CHFR: variants seen among roughly 807,000 people sequenced by gnomAD.
CHFR encodes the protein checkpoint with forkhead and ring finger domains, also known as E3 ubiquitin-protein ligase CHFR.
Under a neutral mutation model 87.6 loss-of-function variants are expected in CHFR, and 57 were observed. That is an observed-to-expected ratio of 0.65 (90% confidence interval 0.53 to 0.81). CHFR has a LOEUF of 0.81. Among genes scored for constraint, CHFR ranks in the 30% least tolerant of loss-of-function variants. The probability of loss-of-function intolerance (pLI) is 0.00; values close to 1 mark genes in which losing one functional copy is unlikely to be tolerated. For missense variants in CHFR, 797 were observed against 865.8 expected, an observed-to-expected ratio of 0.92 and a Z score of 1.00; for synonymous variants, 381 against 359.2, an observed-to-expected ratio of 1.06 and a Z score of -0.69.
chr12:132,858,725 T>TAAAAAAAA (rs60137048), intron 8 of CHFR, among the ~76,000 whole-genome samples: 1 of 26,788 alleles, frequency 3.7e-5, no homozygotes. Flanking sequence ...AGACTCCATC[T>TAAAAAAAA]AAAAAAAAAA....
chr12:132,872,595 G>C (rs1593511486), intron 3 of CHFR, among the ~76,000 whole-genome samples: 1 of 151,984 alleles, frequency 6.6e-6, no homozygotes, highest in South Asian at 2.1e-4. Flanking sequence ...CTCCCTGACT[G>C]ACAGCCTAAC....
intron 2 of CHFR, 149 bp downstream of exon 2, chr12:132,887,047 G>T: frequency 3.2e-6 from 2 of 623,794 alleles, no homozygotes; most frequent in South Asian, 2.3e-5. Flanking sequence ...GAATCGGTGG[G>T]CAGAACACCG....
chr12:132,874,754 G>A (rs1239220792), intron 3 of CHFR, among the ~76,000 whole-genome samples: 1 of 150,140 alleles, frequency 6.7e-6, no homozygotes, highest in East Asian at 2.0e-4. Context: ...GGGGAAGCCA[G>A]GCCCTGGAAC....
Position 132,836,487 on chromosome 12 carries a change from C to T in CHFR, c.*5067G>A, listed in dbSNP as rs1439282385. ...CTCCCAGCAGGGCGCACGGCACTCA[C>T]AGTGACAGGCTCCCAGCACGGCGCA... On this transcript the variant is annotated 3_prime_UTR_variant, in exon 18 of 18. Coordinates refer to ENST00000450056, the MANE Select transcript of CHFR (RefSeq NM_001161346.2). 4 of 353,588 alleles carry T rather than the reference C, an allele frequency of 1.1e-5. No individual in the cohort carries two copies. The highest frequency in any genetic ancestry group is 9.7e-5 in the African/African-American group (4 of 41,180). The allele number at this position is 353,588 out of a possible 1,614,324, so 21.9% of individuals were successfully genotyped here. A position where few individuals can be genotyped will look rare whatever the true frequency, so the allele number is the denominator to read the frequency against.
intron 3 of CHFR, among the ~76,000 whole-genome samples, chr12:132,873,726 G>A (rs1171117594): frequency 1.3e-5 from 2 of 152,004 alleles, no homozygotes; most frequent in African/African-American, 4.8e-5. Context: ...CCACAGGGCT[G>A]GCTACGGGGC....
chr12:132,848,474 A>G (rs938590872), intron 13 of CHFR, 167 bp downstream of exon 13: 4 of 694,018 alleles, frequency 5.8e-6, no homozygotes, highest in Non-Finnish European at 1.0e-5. Flanking sequence ...GCTAACACGA[A>G]TTTGACACAC....
chr12:132,848,358 G>T, intron 13 of CHFR: 2 of 984,588 alleles, frequency 2.0e-6, no homozygotes, highest in Non-Finnish European at 3.1e-6. Context: ...TCAGCTCTCC[G>T]AGTCTCCCCA....
intron 2 of CHFR, among the ~76,000 whole-genome samples, chr12:132,886,539 A>G (rs1436529200): frequency 6.6e-6 from 1 of 152,194 alleles, no homozygotes; most frequent in Non-Finnish European, 1.5e-5. Context: ...GAGGAAATCA[A>G]ACAACCAGAT....
chr12:132,875,456 G>A (rs1256440647), intron 3 of CHFR, among the ~76,000 whole-genome samples: 1 of 152,116 alleles, frequency 6.6e-6, no homozygotes, highest in Non-Finnish European at 1.5e-5. Flanking sequence ...AGCCTGGCTA[G>A]CATTGTGAAA....
rs1357207042 is a variant in CHFR at position 132,836,409 on chromosome 12, G to A, written c.*5145C>T. ...GTGACAGGCTCCCAGCACGGCGCTC[G>A]GCCCTCACAGTGACAGGCTCCCAGC... is the stretch of plus-strand genomic sequence containing the variant. On this transcript the variant is annotated 3_prime_UTR_variant, in exon 18 of 18. Transcript: ENST00000450056. The A allele has an allele frequency of 3.0e-6, 1 of 331,960 alleles. No homozygotes were observed. Among genetic ancestry groups the A allele is most frequent in the African/African-American group, 3.0e-5 (1 of 33,392 alleles). 20.6% of individuals were successfully genotyped at this position (331,960 alleles called of 1,614,324 possible). A position where few individuals can be genotyped will look rare whatever the true frequency, so the allele number is the denominator to read the frequency against.
At position 132,848,730 on chromosome 12, in the gene CHFR, G is replaced by T; in HGVS notation, c.1493-6C>A. The T allele has an allele frequency of 6.3e-7, 1 of 1,576,298 alleles. No homozygotes were observed. The highest frequency in any genetic ancestry group is 1.8e-5 in the Admixed American group (1 of 54,840). On this transcript the variant is annotated splice_region_variant and splice_polypyrimidine_tract_variant and intron_variant, in intron 12 of 17. Transcript: ENST00000450056. ...AGGCTGCAGGCAGACCGCACCTGTG[G>T]AGAGAGGACACTCGTTACACGCACT...
rs185548279 is a variant in CHFR, at chr12:132,874,511, C to T, written c.234-2117G>A. On this transcript the variant is annotated intron_variant, in intron 3 of 17. Transcript: ENST00000450056. ...CCAGGCCCTGGAACAGGTGGGAAGG[C>T]CCAGGACCAGCACCCAGCGCGGGGA... Among the ~76,000 whole-genome samples the T allele has an allele frequency of 2.6e-5, 4 of 151,578 alleles. No homozygotes were observed. In the East Asian group the frequency reaches 7.9e-4, roughly 30 times the overall value.
chr12:132,873,203 G>T (rs760738606), intron 3 of CHFR, among the ~76,000 whole-genome samples: 2 of 152,208 alleles, frequency 1.3e-5, no homozygotes, highest in Admixed American at 1.3e-4. Context: ...TGACCACCAC[G>T]GTTTGCTGAG....
At chr12:132,852,166 T>A (rs1200097759) in intron 11 of CHFR, among the ~76,000 whole-genome samples, 3 of 151,768 alleles carry the variant, frequency 2.0e-5, no homozygotes, top group Non-Finnish European at 4.4e-5. Context: ...TTTTTTGTAT[T>A]TTTAGTAGAG....
At chr12:132,878,320 T>C (rs1439433922) in intron 2 of CHFR, among the ~76,000 whole-genome samples, 1 of 147,422 alleles carries the variant, frequency 6.8e-6, no homozygotes, top group Admixed American at 6.8e-5. Context: ...AATACAAAAA[T>C]TAGCTGGGCA....
intron 14 of CHFR, chr12:132,847,820 A>T: frequency 2.3e-6 from 3 of 1,320,992 alleles, no homozygotes; most frequent in Non-Finnish European, 2.9e-6. Flanking sequence ...GCCGGGAACA[A>T]GAGCTGCGGG....
chr12:132,861,440 T>A (rs1294683062), intron 7 of CHFR, 27 bp downstream of exon 7: 2 of 1,610,602 alleles, frequency 1.2e-6, no homozygotes, highest in African/African-American at 2.7e-5. Flanking sequence ...ACGAGAGGAC[T>A]GAGGACACAC....
rs538564215 is a variant in CHFR, at chr12:132,877,461, T to C, written c.233+94A>G. On this transcript the variant is annotated intron_variant, in intron 3 of 17. Coordinates refer to ENST00000450056, the MANE Select transcript of CHFR (RefSeq NM_001161346.2). ...TTATCACACTAAAGACAGCATTTCTTCTCCTCCTCAGCCGTGGCACACAGC... is the reference window on the plus strand; with the variant it reads ...TTATCACACTAAAGACAGCATTTCTCCTCCTCCTCAGCCGTGGCACACAGC... The C allele has an allele frequency of 1.3e-5, 9 of 711,386 alleles. No individual in the cohort carries two copies. The African/African-American group carries it at 1.5e-4, about 11-fold the overall frequency. The allele number at this position is 711,386 out of a possible 1,614,324, so 44.1% of individuals were successfully genotyped here.
rs1349041006 is a variant in CHFR, at chr12:132,872,317, T to A, written c.311A>T (p.Tyr104Phe). Residue 104 changes from tyrosine to phenylalanine, a missense_variant, in exon 4 of 18, where the codon TAC (tyrosine) becomes TTC (phenylalanine). By Grantham distance (22) the Tyr-to-Phe change is conservative. Transcript: ENST00000450056. Reference protein sequence around the residue: ...TCPLQTGDVIYLVYRKNEPEH... With the variant: ...TCPLQTGDVIFLVYRKNEPEH... ...CGGTTCATTCTTCCTGTACACCAAG[T>A]AGATGACATCCCCAGTCTGTAAAGG... The A allele has an allele frequency of 5.6e-6, 9 of 1,613,030 alleles. No homozygotes were observed. Among genetic ancestry groups the A allele is most frequent in the Non-Finnish European group, 7.6e-6 (9 of 1,179,010 alleles).
Sources: gnomAD v4.1 joint callset for allele counts (sites outside exome capture counted in the v4.1 genomes callset) on GRCh38, gnomAD v4.1.1 for gene constraint, MANE v1.5 for transcripts, NCBI Gene and HGNC (gene_info 2026-07-23, HGNC 2026-07-21) for gene names.